ITPK1: variants seen among roughly 807,000 people sequenced by gnomAD.
The protein encoded by ITPK1 is inositol 1,3,4-trisphosphate 5/6-kinase.
A neutral mutation model predicts 45.3 loss-of-function variants in ITPK1; 21 were observed. The ratio of observed to expected loss-of-function variants is 0.46; its 90% CI spans 0.33 to 0.67. The LOEUF (loss-of-function observed/expected upper bound fraction) is 0.67. ITPK1 is among the 30% of genes least tolerant of loss of function. ITPK1 has a pLI of 0.02. For missense variants in ITPK1, 474 were observed against 573.5 expected (o/e 0.83, Z 1.77); for synonymous variants, 258 against 253.6 (o/e 1.02, Z -0.16).
At chr14:92,962,113 C>T (rs138641393) in intron 7 of ITPK1, among the ~76,000 whole-genome samples, 1 of 152,216 alleles carries the variant, frequency 6.6e-6, no homozygotes, top group African/African-American at 2.4e-5. Flanking sequence ...GTCCCCAGCA[C>T]ATCCTCCTGC....
chr14:93,090,382 G>A (rs563127690), intron 2 of ITPK1, among the ~76,000 whole-genome samples: 1 of 152,296 alleles, frequency 6.6e-6, no homozygotes, highest in East Asian at 1.9e-4. Flanking sequence ...GGAACCCAGG[G>A]TGTTGGAAAG....
intron 4 of ITPK1, among the ~76,000 whole-genome samples, chr14:93,013,344 G>A (rs1446135675): frequency 6.6e-6 from 1 of 152,182 alleles, no homozygotes; most frequent in Admixed American, 6.5e-5. Context: ...TGAAGGTTCT[G>A]TGACAAGCAG....
chr14:92,946,125 G>A (rs1344281463), intron 10 of ITPK1, among the ~76,000 whole-genome samples: 2 of 152,180 alleles, frequency 1.3e-5, no homozygotes, highest in Non-Finnish European at 2.9e-5. Flanking sequence ...CTCCCCAGGT[G>A]GACGTGCAGC....
intron 3 of ITPK1, among the ~76,000 whole-genome samples, chr14:93,043,907 C>G (rs1346797524): frequency 6.6e-6 from 1 of 152,242 alleles, no homozygotes; most frequent in African/African-American, 2.4e-5. Flanking sequence ...TTCCTGAGAC[C>G]TTTACTGCCC....
intron 9 of ITPK1, among the ~76,000 whole-genome samples, chr14:92,947,105 C>T (rs1379502457): frequency 6.6e-6 from 1 of 152,232 alleles, no homozygotes; most frequent in African/African-American, 2.4e-5. Context: ...ATCAGACCCC[C>T]ACTTGCCTGC....
intron 10 of ITPK1, among the ~76,000 whole-genome samples, chr14:92,945,668 C>T (rs1306707769): frequency 6.6e-6 from 1 of 152,216 alleles, no homozygotes; most frequent in Non-Finnish European, 1.5e-5. Context: ...TGACCGCGAG[C>T]TGTGATGTCA....
chr14:93,044,087 G>C (rs1889676875), intron 3 of ITPK1, among the ~76,000 whole-genome samples: 2 of 152,190 alleles, frequency 1.3e-5, no homozygotes, highest in African/African-American at 2.4e-5. Context: ...GAGGAATTCA[G>C]GTGGGAGGGG....
rs1160017597 is a variant in ITPK1, at chr14:92,951,958, C to T, written c.726G>A (p.Ser242=). 12 of 1,578,458 alleles carry T rather than the reference C, an allele frequency of 7.6e-6. No homozygotes were observed. The highest frequency in any genetic ancestry group is 1.7e-4 in the Middle Eastern group (1 of 6,034). ...SHNVSKPESS[S]VLTELDKIEG... is the part of the protein sequence containing the mutation. ...CAGAGGGACCCACCTCCGTCAGGAC[C>T]GATGACGACTCCGGCTTTGACACGT... The change falls in exon 9 of 11, where the codon TCG becomes TCA. Residue 242 remains serine, a synonymous_variant. Transcript: ENST00000267615.
At chr14:92,996,418 C>A (rs1887058374) in intron 4 of ITPK1, among the ~76,000 whole-genome samples, 1 of 142,372 alleles carries the variant, frequency 7.0e-6, no homozygotes, top group Non-Finnish European at 1.5e-5. Context: ...GAATATCACA[C>A]ACCGGGGCCT....
intron 4 of ITPK1, among the ~76,000 whole-genome samples, chr14:92,998,399 C>T (rs1263134944): frequency 6.6e-6 from 1 of 152,180 alleles, no homozygotes; most frequent in African/African-American, 2.4e-5. Context: ...TGGGGTGCAA[C>T]ACAACCTCCC....
chr14:92,946,491 C>T lies in ITPK1; in HGVS notation c.741G>A (p.Leu247=), dbSNP rs760713885. The T allele has an allele frequency of 1.2e-6, 2 of 1,612,340 alleles. No homozygotes were observed. Among genetic ancestry groups the T allele is most frequent in the Admixed American group, 1.7e-5 (1 of 60,010 alleles). The part of the protein sequence containing the change: ...KPESSSVLTE[L]DKIEGVFERP... ...GCTCGAACACGCCCTCGATCTTGTC[C>T]AGCTGCCAACATACACAAGGAAGTC... Residue 247 remains leucine, a splice_region_variant and synonymous_variant, in exon 10 of 11, where the codon CTG becomes CTA. Coordinates refer to ENST00000267615, the MANE Select transcript of ITPK1 (RefSeq NM_014216.6).
At chr14:93,004,617 A>AGTGT (rs151074140) in intron 4 of ITPK1, among the ~76,000 whole-genome samples, 3 of 151,084 alleles carry the variant, frequency 2.0e-5, no homozygotes, top group Non-Finnish European at 4.4e-5. Flanking sequence ...AGAGCATATG[A>AGTGT]GTGTGTGTGT....
chr14:93,066,338 GTGTA>G lies in ITPK1; in HGVS notation c.120+10253_120+10256del, dbSNP rs765184779. 2.3e-3 allele frequency: 771 copies of G among 339,552 alleles called. 6 individuals carry two copies. Among genetic ancestry groups the G allele is most frequent in the African/African-American group, 0.01 (368 of 35,428 alleles). 21.0% of individuals were successfully genotyped at this position (339,552 alleles called of 1,614,324 possible). A position where few individuals can be genotyped will look rare whatever the true frequency, so the allele number is the denominator to read the frequency against. On this transcript the variant is annotated intron_variant, in intron 3 of 10. Transcript: ENST00000267615. ...TGTGTGTATGTGTGTGTGTGTGTGT[GTGTA>G]GGGGGCAGAGGCGTCTGCTGGGAAA...
At chr14:92,996,849 C>T (rs1022429890) in intron 4 of ITPK1, among the ~76,000 whole-genome samples, 1 of 152,170 alleles carries the variant, frequency 6.6e-6, no homozygotes, top group Non-Finnish European at 1.5e-5. Flanking sequence ...CGCCCGATGT[C>T]GTCACCTCTC....
rs1017115293 is a variant in ITPK1, at chr14:93,016,607, G to A, written c.246+69C>T. The A allele has an allele frequency of 5.8e-6, 9 of 1,561,356 alleles. No homozygotes were observed. Among genetic ancestry groups the A allele is most frequent in the African/African-American group, 2.7e-5 (2 of 73,858 alleles). On this transcript the variant is annotated intron_variant, in intron 4 of 10. Transcript: ENST00000267615. This position sits in a 1 kb window ranked among gnomAD's most constrained non-coding sequence, Gnocchi z 5.0. Reference sequence around the variant, plus strand: ...CTGCTACCGCCCTAAATACACACACGGCCATTCCAGGGCCTCCCCTCCTCC... The same window carrying A: ...CTGCTACCGCCCTAAATACACACACAGCCATTCCAGGGCCTCCCCTCCTCC...
intron 5 of ITPK1, among the ~76,000 whole-genome samples, chr14:92,963,572 C>T (rs1185323713): frequency 6.6e-6 from 1 of 152,212 alleles, no homozygotes; most frequent in Non-Finnish European, 1.5e-5. Flanking sequence ...GCCCAGGCCG[C>T]GCCTGGTCCC....
At chr14:93,018,511 G>A (rs1256629064) in intron 3 of ITPK1, among the ~76,000 whole-genome samples, 2 of 152,070 alleles carry the variant, frequency 1.3e-5, no homozygotes, top group East Asian at 3.9e-4. Flanking sequence ...CAGGAAAGAT[G>A]TTAAGGGATT....
chr14:93,070,574 A>C (rs545675451), intron 3 of ITPK1: 1 of 152,398 alleles, frequency 6.6e-6, no homozygotes, highest in Non-Finnish European at 1.5e-5. Flanking sequence ...AACTGGGTTG[A>C]GCTCTGTCAG....
intron 3 of ITPK1, among the ~76,000 whole-genome samples, chr14:93,018,625 T>G (rs12587862): frequency 6.6e-6 from 1 of 151,776 alleles, no homozygotes; most frequent in African/African-American, 2.4e-5. Context: ...CAAAACAACA[T>G]AAAATAAAAC....
Sources: gnomAD v4.1 joint callset for allele counts (sites outside exome capture counted in the v4.1 genomes callset) on GRCh38, gnomAD v4.1.1 for gene constraint, Gnocchi (gnomAD v3.1) non-coding constraint, MANE v1.5 for transcripts, NCBI Gene and HGNC (gene_info 2026-07-23, HGNC 2026-07-21) for gene names.